UBE2B: variants seen among roughly 807,000 people sequenced by gnomAD.
UBE2B encodes the protein ubiquitin conjugating enzyme E2 B, also known as ubiquitin-conjugating enzyme E2 B.
In UBE2B, 11 loss-of-function variants were observed where a neutral mutation model predicts 24.6. The ratio of observed to expected loss-of-function variants is 0.45; its 90% CI spans 0.28 to 0.74. The LOEUF (loss-of-function observed/expected upper bound fraction) is 0.74. Ranked by LOEUF, UBE2B falls within the 30% of genes least tolerant of loss-of-function variation. The pLI, the probability that UBE2B is intolerant of heterozygous loss-of-function variation, is 0.13. For missense variants in UBE2B, 78 were observed against 185.6 expected (o/e 0.42, Z 3.37); for synonymous variants, 68 against 62.4 (o/e 1.09, Z -0.42).
Position 134,379,745 on chromosome 5 carries a change from G to A in UBE2B, c.152-974G>A, listed in dbSNP as rs1185366261. 2.6e-5 allele frequency among the ~76,000 whole-genome samples: 4 copies of A among 151,862 alleles called. No homozygotes were observed. In the South Asian group the frequency reaches 6.2e-4, roughly 24 times the overall value. On this transcript the variant is annotated intron_variant, in intron 3 of 5. Coordinates refer to ENST00000265339, the MANE Select transcript of UBE2B (RefSeq NM_003337.4). ...TTTTCTTCATGTACTTAAACTAAACGGTATTGTAATAGATGGAGTGCAGAA... is the reference window on the plus strand; with the variant it reads ...TTTTCTTCATGTACTTAAACTAAACAGTATTGTAATAGATGGAGTGCAGAA...
intron 2 of UBE2B, among the ~76,000 whole-genome samples, chr5:134,375,797 CAAAAAAAAAAAA>C (rs775635194): frequency 3.3e-4 from 10 of 29,892 alleles, no homozygotes; most frequent in African/African-American, 5.6e-4. Context: ...GACTCCGTCT[CAAAAAAAAAAAA>C]AAAAAAAAAA....
chr5:134,389,703 C>T (rs1314797697), intron 5 of UBE2B, among the ~76,000 whole-genome samples: 2 of 152,160 alleles, frequency 1.3e-5, no homozygotes, highest in Admixed American at 6.5e-5. Context: ...TGCGCCACCA[C>T]ACCCGGCTAA....
intron 4 of UBE2B, among the ~76,000 whole-genome samples, chr5:134,383,190 T>G (rs867737469): frequency 6.6e-6 from 1 of 152,186 alleles, no homozygotes; most frequent in Non-Finnish European, 1.5e-5. Context: ...TGATACATCA[T>G]TTTTAATGGC....
At chr5:134,380,925 T>A (rs539842111) in intron 4 of UBE2B, 117 bp downstream of exon 4, 1 of 615,626 alleles carries the variant, frequency 1.6e-6, no homozygotes, top group Admixed American at 2.9e-5. Flanking sequence ...GTTGCTTCCA[T>A]GTCCATGTGA....
chr5:134,375,623 C>T (rs923907204), intron 2 of UBE2B, among the ~76,000 whole-genome samples: 5 of 151,676 alleles, frequency 3.3e-5, no homozygotes, highest in Non-Finnish European at 5.9e-5. Flanking sequence ...GGTGAAACCC[C>T]GTCTCTACTG....
At chr5:134,374,852 G>A (rs1432389463) in intron 2 of UBE2B, among the ~76,000 whole-genome samples, 1 of 152,146 alleles carries the variant, frequency 6.6e-6, no homozygotes, top group Non-Finnish European at 1.5e-5. Context: ...TGAGGCAGGA[G>A]GATCACTTGA....
At chr5:134,383,547 A>T (rs1581324392) in intron 4 of UBE2B, among the ~76,000 whole-genome samples, 1 of 131,702 alleles carries the variant, frequency 7.6e-6, no homozygotes, top group Non-Finnish European at 1.5e-5. Context: ...CAGTGGCATG[A>T]TCTCGGCTCA....
chr5:134,391,053 AC>A lies in UBE2B; in HGVS notation c.*701del, dbSNP rs1758889951. On this transcript the variant is annotated 3_prime_UTR_variant, in exon 6 of 6. Coordinates refer to ENST00000265339, the MANE Select transcript of UBE2B (RefSeq NM_003337.4). ...GTTACAGTTTCTTCATGCATTACTT[AC>A]TGTTAAAACTGTACCTTTTGCGATT... 6.5e-6 allele frequency: 1 copy of A among 152,696 alleles called. No homozygotes were observed. Among genetic ancestry groups the A allele is most frequent in the Non-Finnish European group, 1.5e-5 (1 of 68,094 alleles). 9.5% of individuals were successfully genotyped at this position (152,696 alleles called of 1,614,324 possible). A position where few individuals can be genotyped will look rare whatever the true frequency, so the allele number is the denominator to read the frequency against.
At chr5:134,379,483 TAAAAATAC>T (rs1561680605) in intron 3 of UBE2B, among the ~76,000 whole-genome samples, 1 of 151,732 alleles carries the variant, frequency 6.6e-6, no homozygotes, top group Non-Finnish European at 1.5e-5. Flanking sequence ...TCGTCTCTAC[TAAAAATAC>T]AAAAATGAGC....
intron 4 of UBE2B, among the ~76,000 whole-genome samples, chr5:134,381,133 A>AT (rs1231838067): frequency 6.6e-6 from 1 of 151,454 alleles, no homozygotes; most frequent in Non-Finnish European, 1.5e-5. Flanking sequence ...CGCCTGGCTA[A>AT]TTTTTTATAT....
Position 134,391,052 on chromosome 5 carries a change from T to C in UBE2B, c.*699T>C, listed in dbSNP as rs992910409. 6.5e-6 allele frequency: 1 copy of C among 152,830 alleles called. No homozygotes were observed. Among genetic ancestry groups the C allele is most frequent in the Non-Finnish European group, 1.5e-5 (1 of 68,172 alleles). 9.5% of individuals were successfully genotyped at this position (152,830 alleles called of 1,614,324 possible). A position where few individuals can be genotyped will look rare whatever the true frequency, so the allele number is the denominator to read the frequency against. ...TGTTACAGTTTCTTCATGCATTACT[T>C]ACTGTTAAAACTGTACCTTTTGCGA... On this transcript the variant is annotated 3_prime_UTR_variant, in exon 6 of 6. Transcript: ENST00000265339.
intron 3 of UBE2B, 60 bp downstream of exon 3, chr5:134,376,754 G>T (rs1758616569): frequency 3.3e-6 from 5 of 1,502,262 alleles, no homozygotes; most frequent in Admixed American, 3.7e-5. Flanking sequence ...GTAGAAAATT[G>T]TAACACCAAC....
At position 134,390,467 on chromosome 5, in the gene UBE2B, G is replaced by A. The variant is rs903849231; in HGVS notation, c.*114G>A. The A allele has an allele frequency of 9.1e-6, 12 of 1,325,266 alleles. No individual in the cohort carries two copies. The Admixed American group carries it at 1.8e-4, about 19-fold the overall frequency. The allele number at this position is 1,325,266 out of a possible 1,614,324, so 82.1% of individuals were successfully genotyped here. ...TTTTAAGGATTCTGCAGAAAAAAAAGAAAAAAGTCCTTCAGTTTAGAACCT... is the reference window on the plus strand; with the variant it reads ...TTTTAAGGATTCTGCAGAAAAAAAAAAAAAAAGTCCTTCAGTTTAGAACCT... On this transcript the variant is annotated 3_prime_UTR_variant, in exon 6 of 6. Coordinates refer to ENST00000265339, the MANE Select transcript of UBE2B (RefSeq NM_003337.4). The surrounding 1 kb of genome is among the most constrained non-coding windows in gnomAD (Gnocchi z 4.6).
intron 1 of UBE2B, among the ~76,000 whole-genome samples, chr5:134,373,676 T>C (rs191190908): frequency 1.3e-5 from 2 of 152,248 alleles, no homozygotes; most frequent in African/African-American, 2.4e-5. Flanking sequence ...GATGTTCCCT[T>C]TCCTGTGTCC....
chr5:134,376,778 G>A (rs1330440056), intron 3 of UBE2B, 84 bp downstream of exon 3: 3 of 1,371,646 alleles, frequency 2.2e-6, no homozygotes, highest in South Asian at 2.7e-5. Context: ...TCTACTTGAA[G>A]CCATTTTCTA....
intron 3 of UBE2B, among the ~76,000 whole-genome samples, chr5:134,379,194 C>T (rs35190809): frequency 2.6e-5 from 4 of 152,038 alleles, no homozygotes; most frequent in African/African-American, 4.8e-5. Flanking sequence ...GGGTAAAACA[C>T]GTATGTGAAG....
chr5:134,383,836 A>C (rs943924426), intron 4 of UBE2B, among the ~76,000 whole-genome samples: 1 of 152,034 alleles, frequency 6.6e-6, no homozygotes, highest in Non-Finnish European at 1.5e-5. Context: ...CTGCATAACA[A>C]CTAGACTAAG....
At chr5:134,372,964 G>C (rs1758512009) in intron 1 of UBE2B, among the ~76,000 whole-genome samples, 1 of 152,204 alleles carries the variant, frequency 6.6e-6, no homozygotes, top group African/African-American at 2.4e-5. Flanking sequence ...GACAAATTCA[G>C]ATAGTAAACT....
chr5:134,390,350 A>G lies in UBE2B; in HGVS notation c.456A>G (p.Ser152=), dbSNP rs751783892. ...TTGTTGAACAAAGCTGGAATGATTCATAATAGACAACTGGTCTGTTAATCT... is the reference window on the plus strand; with the variant it reads ...TTGTTGAACAAAGCTGGAATGATTCGTAATAGACAACTGGTCTGTTAATCT... ...SAIVEQSWND[S] Residue 152 remains serine, a synonymous_variant, in exon 6 of 6, where the codon TCA becomes TCG. Transcript: ENST00000265339. The surrounding 1 kb of genome is among the most constrained non-coding windows in gnomAD (Gnocchi z 4.6). 6 of 1,613,958 alleles carry G rather than the reference A, an allele frequency of 3.7e-6. No individual in the cohort carries two copies. In the African/African-American group the frequency reaches 5.3e-5, roughly 14 times the overall value.
Sources: gnomAD v4.1 joint callset for allele counts (sites outside exome capture counted in the v4.1 genomes callset) on GRCh38, gnomAD v4.1.1 for gene constraint, Gnocchi (gnomAD v3.1) non-coding constraint, MANE v1.5 for transcripts, NCBI Gene and HGNC (gene_info 2026-07-23, HGNC 2026-07-21) for gene names.